The following OTUD7A variants were observed in gnomAD, a reference collection of about 807,000 sequenced individuals.
OTUD7A encodes the protein OTU domain-containing protein 7A.
OTUD7A carries 12 observed loss-of-function variants against 65.7 expected under a neutral mutation model. That is an observed-to-expected ratio of 0.18 (90% confidence interval 0.12 to 0.30). The LOEUF is 0.30. Ranked by LOEUF, OTUD7A falls within the 10% of genes least tolerant of loss-of-function variation. The pLI, the probability that OTUD7A is intolerant of heterozygous loss-of-function variation, is 1.00. For synonymous variants in OTUD7A, 641 were observed against 586.3 expected (o/e 1.09, Z -1.35); for missense variants, 1,148 against 1,304.8 (o/e 0.88, Z 1.85).
intron 3 of OTUD7A, among the ~76,000 whole-genome samples, chr15:31,596,715 T>A (rs1210315529): frequency 1.3e-5 from 2 of 152,222 alleles, no homozygotes; most frequent in Non-Finnish European, 2.9e-5. Flanking sequence ...CTAATTTCTA[T>A]TTGCCTGATG....
Position 31,727,162 on chromosome 15 carries a change from A to G in OTUD7A, c.-99-70085T>C, listed in dbSNP as rs536001232. ...TCATGTCCAGCACAAGAACTTGGCC[A>G]TGCATCCATTCTCAGCCTGGTATCC... On this transcript the variant is annotated intron_variant, in intron 1 of 12. Coordinates refer to ENST00000307050, the MANE Select transcript of OTUD7A (RefSeq NM_001382637.1). Among the ~76,000 whole-genome samples, 14 of 152,320 alleles carry G rather than the reference A, an allele frequency of 9.2e-5. No homozygotes were observed. In the East Asian group the frequency reaches 2.5e-3, roughly 27 times the overall value.
intron 1 of OTUD7A, among the ~76,000 whole-genome samples, chr15:31,818,602 C>A (rs978693148): frequency 6.6e-6 from 1 of 152,142 alleles, no homozygotes; most frequent in Non-Finnish European, 1.5e-5. Flanking sequence ...CTGAGAGCCA[C>A]GGCCTGACCT....
At chr15:31,738,622 C>T (rs951690869) in intron 1 of OTUD7A, among the ~76,000 whole-genome samples, 1 of 152,156 alleles carries the variant, frequency 6.6e-6, no homozygotes, top group Non-Finnish European at 1.5e-5. Context: ...ATGCTGCCTC[C>T]GCTGATAGGG....
chr15:31,803,688 C>G (rs1896193156), intron 1 of OTUD7A, among the ~76,000 whole-genome samples: 1 of 152,216 alleles, frequency 6.6e-6, no homozygotes, highest in African/African-American at 2.4e-5. Flanking sequence ...GTGTGTCACC[C>G]TGTTCTCAGA....
chr15:31,653,186 C>A (rs1384108332), intron 3 of OTUD7A, among the ~76,000 whole-genome samples: 1 of 151,050 alleles, frequency 6.6e-6, no homozygotes, highest in Non-Finnish European at 1.5e-5. Flanking sequence ...ACCCAGGAGG[C>A]GGAGGTTGCA....
intron 1 of OTUD7A, among the ~76,000 whole-genome samples, chr15:31,844,225 C>T (rs76443667): frequency 1.7e-4 from 26 of 152,314 alleles, no homozygotes; most frequent in South Asian, 4.1e-4. Flanking sequence ...TCGCACACTG[C>T]GCTGGGTGCG....
rs1184950826 is a variant in OTUD7A, at chr15:31,483,318, G to GCGC, written c.2775_2777dup (p.Arg926dup). ...CTCAGGGCCGGGCCCCGCGCGCCTC[G>GCGC]CGCCGCCGCCGCAGCTCCTCGCGGT... On this transcript the variant is annotated inframe_insertion, in exon 13 of 13. Transcript: ENST00000307050. 12 of 1,196,144 alleles carry GCGC rather than the reference G, an allele frequency of 1.0e-5. No homozygotes were observed. The highest frequency in any genetic ancestry group is 1.1e-5 in the Non-Finnish European group (11 of 963,106). 74.1% of individuals were successfully genotyped at this position (1,196,144 alleles called of 1,614,324 possible).
chr15:31,642,228 G>A (rs1396772482), intron 3 of OTUD7A, among the ~76,000 whole-genome samples: 1 of 152,102 alleles, frequency 6.6e-6, no homozygotes, highest in Non-Finnish European at 1.5e-5. Context: ...ACTGATTTTT[G>A]AATGTTAAAC....
chr15:31,866,398 C>T (rs535974293), intron 1 of OTUD7A, among the ~76,000 whole-genome samples: 1 of 152,356 alleles, frequency 6.6e-6, no homozygotes, highest in East Asian at 1.9e-4. Flanking sequence ...ACAACACAGG[C>T]AAGTAATAAG....
intron 10 of OTUD7A, among the ~76,000 whole-genome samples, chr15:31,501,456 T>C (rs563272935): frequency 6.6e-6 from 1 of 152,292 alleles, no homozygotes; most frequent in African/African-American, 2.4e-5. Flanking sequence ...TAAGGGTAGG[T>C]TGCCTTTGTT....
intron 1 of OTUD7A, among the ~76,000 whole-genome samples, chr15:31,757,605 T>C (rs1372949196): frequency 2.7e-5 from 4 of 149,412 alleles, no homozygotes; most frequent in Non-Finnish European, 4.5e-5. Context: ...TTCCCATGTA[T>C]TGTATTCCCA....
At chr15:31,584,091 G>A (rs1889454945) in intron 3 of OTUD7A, among the ~76,000 whole-genome samples, 1 of 152,286 alleles carries the variant, frequency 6.6e-6, no homozygotes, top group South Asian at 2.1e-4. Flanking sequence ...AAGACAGCAG[G>A]GTGGGCTGAC....
intron 1 of OTUD7A, among the ~76,000 whole-genome samples, chr15:31,792,541 G>C (rs1160721): frequency 0.25 from 37,277 of 151,926 alleles, 4,663 homozygotes; most frequent in Admixed American, 0.3. Context: ...CTTTTGTCCT[G>C]TATTCCCTCT....
intron 5 of OTUD7A, among the ~76,000 whole-genome samples, chr15:31,555,119 G>C (rs1351232153): frequency 1.3e-5 from 2 of 152,180 alleles, no homozygotes; most frequent in African/African-American, 4.8e-5. Flanking sequence ...CAGGGCCCCA[G>C]GAGAGTGGAA....
chr15:31,778,414 A>G (rs1471138123), intron 1 of OTUD7A, among the ~76,000 whole-genome samples: 4 of 152,208 alleles, frequency 2.6e-5, no homozygotes, highest in Non-Finnish European at 4.4e-5. Flanking sequence ...ACTCACTGCA[A>G]ATTGTATATC....
At chr15:31,797,747 C>T (rs538324632) in intron 1 of OTUD7A, among the ~76,000 whole-genome samples, 9 of 152,230 alleles carry the variant, frequency 5.9e-5, no homozygotes, top group Non-Finnish European at 1.0e-4. Flanking sequence ...AGACGTGTTC[C>T]TATTGCCACT....
chr15:31,678,659 T>C (rs1203612987), intron 1 of OTUD7A, among the ~76,000 whole-genome samples: 1 of 152,142 alleles, frequency 6.6e-6, no homozygotes, highest in Non-Finnish European at 1.5e-5. Context: ...TGCACAGAAG[T>C]CAAGAATTGA....
At chr15:31,753,735 A>G (rs1376779428) in intron 1 of OTUD7A, among the ~76,000 whole-genome samples, 1 of 125,098 alleles carries the variant, frequency 8.0e-6, no homozygotes, top group Non-Finnish European at 1.6e-5. Context: ...ATATATATAT[A>G]TATATCTCAC....
chr15:31,731,839 A>G (rs1189654155), intron 1 of OTUD7A, among the ~76,000 whole-genome samples: 1 of 152,128 alleles, frequency 6.6e-6, no homozygotes, highest in Non-Finnish European at 1.5e-5. Context: ...CCTTCCTCTC[A>G]ATTTTGCTGT....
Sources: allele counts gnomAD v4.1 joint callset (sites outside exome capture counted in the v4.1 genomes callset), GRCh38; gene constraint gnomAD v4.1.1; transcripts MANE v1.5; gene names NCBI Gene and HGNC (gene_info 2026-07-23, HGNC 2026-07-21).